Variants in KIF27 observed in about 807,000 individuals in gnomAD.
KIF27 encodes the protein kinesin-like protein KIF27.
A neutral mutation model predicts 141.8 loss-of-function variants in KIF27; 84 were observed. The observed-to-expected ratio is 0.59, with a 90% CI of 0.50 to 0.71. KIF27 has a LOEUF of 0.71. Among genes scored for constraint, KIF27 ranks in the 30% least tolerant of loss-of-function variants. The probability of loss-of-function intolerance (pLI) is 0.00; values close to 1 mark genes in which losing one functional copy is unlikely to be tolerated. For synonymous variants in KIF27, 471 were observed against 569.5 expected (o/e 0.83, Z 2.46); for missense variants, 1,306 against 1,628.4 (o/e 0.80, Z 3.41).
At chr9:83,899,553 A>C (rs1269952618) in intron 5 of KIF27, 108 bp downstream of exon 5, 5 of 850,250 alleles carry the variant, frequency 5.9e-6, no homozygotes, top group Non-Finnish European at 9.0e-6. Flanking sequence ...AGAACTCTTC[A>C]AATGAACATC....
At chr9:83,842,514 G>A in intron 16 of KIF27, 113 bp from the exon 17 acceptor site, 1 of 1,316,588 alleles carries the variant, frequency 7.6e-7, no homozygotes, top group Non-Finnish European at 9.9e-7. Flanking sequence ...CCAGGCTAGA[G>A]TGCAGTGGCG....
chr9:83,874,051 C>CAAA (rs10708977), intron 11 of KIF27, among the ~76,000 whole-genome samples: 1 of 147,436 alleles, frequency 6.8e-6, no homozygotes. Flanking sequence ...GACTCCGTGT[C>CAAA]AAAAAAAAAA....
chr9:83,905,794 A>C (rs1338066621), intron 3 of KIF27, among the ~76,000 whole-genome samples: 1 of 152,230 alleles, frequency 6.6e-6, no homozygotes, highest in Non-Finnish European at 1.5e-5. Context: ...AGTAGGACCC[A>C]GAAATCAGTA....
At chr9:83,888,896 T>G (rs2132330403) in intron 7 of KIF27, among the ~76,000 whole-genome samples, 188 bp downstream of exon 7, 1 of 152,042 alleles carries the variant, frequency 6.6e-6, no homozygotes, top group East Asian at 1.9e-4. Context: ...TATTTTTCAG[T>G]TATAAGACTG....
chr9:83,899,298 T>C (rs972005614), intron 5 of KIF27, among the ~76,000 whole-genome samples: 35 of 152,196 alleles, frequency 2.3e-4, no homozygotes, highest in African/African-American at 8.4e-4. Context: ...AAGAGGATAA[T>C]TTAATACATT....
intron 2 of KIF27, among the ~76,000 whole-genome samples, chr9:83,909,674 G>A (rs1470977899): frequency 6.6e-6 from 1 of 151,040 alleles, no homozygotes; most frequent in Admixed American, 6.6e-5. Flanking sequence ...GAATGAAACA[G>A]ACATTAAGTG....
intron 1 of KIF27, among the ~76,000 whole-genome samples, chr9:83,919,767 C>A (rs918832899): frequency 3.3e-5 from 5 of 150,150 alleles, no homozygotes; most frequent in South Asian, 4.2e-4. Flanking sequence ...TGGTGGCGTG[C>A]GCCTGTAATC....
At chr9:83,845,736 T>C (rs1947187509) in intron 16 of KIF27, among the ~76,000 whole-genome samples, 2 of 152,216 alleles carry the variant, frequency 1.3e-5, no homozygotes, top group Admixed American at 6.5e-5. Context: ...TGGCCAGATA[T>C]GCGGTTATAT....
At chr9:83,853,357 A>G (rs1280492300) in intron 15 of KIF27, among the ~76,000 whole-genome samples, 1 of 152,028 alleles carries the variant, frequency 6.6e-6, no homozygotes, top group Non-Finnish European at 1.5e-5. Flanking sequence ...ATATAACTTA[A>G]ATTCTTTGGT....
rs535947964 is a variant in KIF27 at position 83,909,611 on chromosome 9, CA to C, written c.299-960del. The stretch of plus-strand genomic sequence containing the variant: ...CCTGAGCGACAGAGGGAAACTGTCT[CA>C]AAAAAAAAAAAAAAAAAGATTTAAT... On this transcript the variant is annotated intron_variant, in intron 2 of 17. Coordinates refer to ENST00000297814, the MANE Select transcript of KIF27 (RefSeq NM_017576.4). 5.9e-3 allele frequency among the ~76,000 whole-genome samples: 415 copies of C among 70,478 alleles called. 1 individual carries two copies. The highest frequency in any genetic ancestry group is 0.028 in the Middle Eastern group (3 of 108). The allele number at this position is 70,478 out of a possible 152,430, so 46.2% of individuals were successfully genotyped here. A position where few individuals can be genotyped will look rare whatever the true frequency, so the allele number is the denominator to read the frequency against.
chr9:83,906,133 C>T (rs1420373805), intron 3 of KIF27, among the ~76,000 whole-genome samples: 1 of 151,994 alleles, frequency 6.6e-6, no homozygotes, highest in Non-Finnish European at 1.5e-5. Flanking sequence ...AATTGTATTC[C>T]ATAAGATAAA....
intron 3 of KIF27, among the ~76,000 whole-genome samples, chr9:83,905,723 T>C (rs1424760664): frequency 6.6e-6 from 1 of 152,158 alleles, no homozygotes; most frequent in East Asian, 1.9e-4. Context: ...GGTAGCTTTA[T>C]AAAAAGAAAG....
At position 83,907,020 on chromosome 9, in the gene KIF27, G is replaced by A. The variant is rs187971913; in HGVS notation, c.499+1432C>T. Among the ~76,000 whole-genome samples the A allele has an allele frequency of 1.3e-3, 195 of 152,072 alleles. 7 individuals carry two copies. Among genetic ancestry groups the A allele is most frequent in the Admixed American group, 0.012 (185 of 15,256 alleles). On this transcript the variant is annotated intron_variant, in intron 3 of 17. Transcript: ENST00000297814. The stretch of plus-strand genomic sequence containing the variant: ...TAAAAAATTATATGGGCCAGGCATG[G>A]TGGCTCATGCCTGTAATCCCAGCAC...
At chr9:83,865,145 C>G (rs1284916466) in intron 13 of KIF27, among the ~76,000 whole-genome samples, 1 of 152,108 alleles carries the variant, frequency 6.6e-6, no homozygotes, top group Non-Finnish European at 1.5e-5. Context: ...TGATACTCTC[C>G]TCTTTTCTGT....
In KIF27 at chr9:83,890,337, G is replaced by A. The variant is rs535665426; in HGVS notation, c.1809+958C>T. Among the ~76,000 whole-genome samples the A allele has an allele frequency of 4.6e-5, 7 of 152,130 alleles. No homozygotes were observed. The South Asian group carries it at 1.2e-3, about 27-fold the overall frequency. ...TGGCCTCCCAATGGGGTATGAGGGA[G>A]GGGAATTCTTTAAGAAGAACCAACT... On this transcript the variant is annotated intron_variant, in intron 6 of 17. Coordinates refer to ENST00000297814, the MANE Select transcript of KIF27 (RefSeq NM_017576.4).
Position 83,891,433 on chromosome 9 carries a change from C to G in KIF27, c.1671G>C (p.Leu557=). 2.5e-6 allele frequency: 4 copies of G among 1,613,878 alleles called. No individual in the cohort carries two copies. Among genetic ancestry groups the G allele is most frequent in the Non-Finnish European group, 3.4e-6 (4 of 1,179,848 alleles). Residue 557 remains leucine, a synonymous_variant, in exon 6 of 18, where the codon CTG becomes CTC. Coordinates refer to ENST00000297814, the MANE Select transcript of KIF27 (RefSeq NM_017576.4). ...QLSEELTKLN[L]SVTSSAKENC... is the part of the protein sequence containing the mutation. ...TTTCTTTAGCTGAAGAAGTCACTGA[C>G]AGGTTAAGTTTTGTTAGTTCTTCAC... is the stretch of plus-strand genomic sequence containing the variant.
chr9:83,907,342 T>A (rs1055490089), intron 3 of KIF27, among the ~76,000 whole-genome samples: 22 of 147,888 alleles, frequency 1.5e-4, no homozygotes, highest in South Asian at 4.2e-4. Context: ...AAATAAATAA[T>A]ATGTACATAG....
At chr9:83,865,708 T>G (rs1950302288) in intron 13 of KIF27, among the ~76,000 whole-genome samples, 1 of 152,304 alleles carries the variant, frequency 6.6e-6, no homozygotes, top group South Asian at 2.1e-4. Flanking sequence ...TTCTGTGAAG[T>G]TTTTTTCAGC....
intron 8 of KIF27, among the ~76,000 whole-genome samples, chr9:83,887,949 G>T (rs1256233771): frequency 6.7e-6 from 1 of 149,856 alleles, no homozygotes; most frequent in Admixed American, 6.7e-5. Context: ...TTTTTTGTGG[G>T]TCAACCACGC....
Sources: gnomAD v4.1 joint callset for allele counts (sites outside exome capture counted in the v4.1 genomes callset) on GRCh38, gnomAD v4.1.1 for gene constraint, MANE v1.5 for transcripts, NCBI Gene and HGNC (gene_info 2026-07-23, HGNC 2026-07-21) for gene names.